Variants in PAQR9 observed in about 807,000 individuals in gnomAD.
PAQR9 encodes membrane progestin receptor epsilon.
PAQR9 carries 12 observed loss-of-function variants against 24.0 expected under a neutral mutation model. The ratio of observed to expected loss-of-function variants is 0.50; its 90% confidence interval spans 0.32 to 0.81. PAQR9 has a LOEUF of 0.81. PAQR9 is among the 30% of genes least tolerant of loss of function. The probability of loss-of-function intolerance (pLI) is 0.03; values close to 1 mark genes in which losing one functional copy is unlikely to be tolerated. For synonymous variants in PAQR9, 266 were observed against 237.6 expected (o/e 1.12, Z -1.10); for missense variants, 418 against 520.8 (o/e 0.80, Z 1.92).
In PAQR9 at chr3:142,963,513, T is replaced by G; in HGVS notation, c.-177A>C. 1 of 1,014,874 alleles carries G rather than the reference T, an allele frequency of 9.9e-7. No homozygotes were observed. Among genetic ancestry groups the G allele is most frequent in the Non-Finnish European group, 1.2e-6 (1 of 850,924 alleles). The allele number at this position is 1,014,874 out of a possible 1,614,324, so 62.9% of individuals were successfully genotyped here. On this transcript the variant is annotated 5_prime_UTR_variant, in exon 1 of 1. Transcript: ENST00000340634. ...CGCTCCTAAAAATTAAATAAATCAA[T>G]AAGAGAATCAATTAATAGGCAGCGC...
At chr3:142,953,915 C>T (rs1210093832), downstream of PAQR9, among the ~76,000 whole-genome samples, 1 of 152,134 alleles carries the variant, frequency 6.6e-6, no homozygotes, top group Non-Finnish European at 1.5e-5. Context: ...TGGCAGTGCC[C>T]TGAAGCTAGT....
In PAQR9 at chr3:142,962,089, C is replaced by T; in HGVS notation, c.*114G>A. The T allele has an allele frequency of 8.0e-7, 1 of 1,252,872 alleles. No individual in the cohort carries two copies. Among genetic ancestry groups the T allele is most frequent in the Non-Finnish European group, 1.1e-6 (1 of 895,628 alleles). 77.6% of individuals were successfully genotyped at this position (1,252,872 alleles called of 1,614,324 possible). ...GAACTTTTTCCCTATGGTTTTGCAGCACCTTCCTTGAGCAAAGAAGAAAAC... is the reference window on the plus strand; with the variant it reads ...GAACTTTTTCCCTATGGTTTTGCAGTACCTTCCTTGAGCAAAGAAGAAAAC... On this transcript the variant is annotated 3_prime_UTR_variant, in exon 1 of 1. Coordinates refer to ENST00000340634, the MANE Select transcript of PAQR9 (RefSeq NM_198504.4).
chr3:142,952,423 C>T (rs996090411), downstream of PAQR9, among the ~76,000 whole-genome samples: 13 of 152,212 alleles, frequency 8.5e-5, no homozygotes, highest in Admixed American at 3.9e-4. Context: ...GATTCTAAAA[C>T]GTGGGACTGG....
chr3:142,962,461 C>A lies in PAQR9; in HGVS notation c.876G>T (p.Val292=). The A allele has an allele frequency of 6.2e-7, 1 of 1,613,548 alleles. No homozygotes were observed. Among genetic ancestry groups the A allele is most frequent in the Non-Finnish European group, 8.5e-7 (1 of 1,179,882 alleles). ...FWLVVAAFFN[V]SKIPERIQPG... The stretch of plus-strand genomic sequence containing the variant: ...GCTGGATGCGCTCGGGGATCTTGCT[C>A]ACGTTGAAGAAGGCGGCCACCACCA... The change falls in exon 1 of 1, where the codon GTG becomes GTT. Residue 292 remains valine (V), a synonymous_variant. Coordinates refer to ENST00000340634, the MANE Select transcript of PAQR9 (RefSeq NM_198504.4).
chr3:142,962,740 G>C lies in PAQR9; in HGVS notation c.597C>G (p.His199Gln). Residue 199 changes from histidine to glutamine, a missense_variant, in exon 1 of 1, where the codon CAC becomes CAG. Transcript: ENST00000340634. The stretch of plus-strand genomic sequence containing the variant: ...CGGCGATAAGGCGCGTGCAGTCCAC[G>C]TGCCAGCCCAGGCGCTGCTGCAAGT... ...TPYLQQRLGW[H>Q]VDCTRLIAAY... 6.2e-7 allele frequency: 1 copy of C among 1,612,554 alleles called. No individual in the cohort carries two copies. The highest frequency in any genetic ancestry group is 8.5e-7 in the Non-Finnish European group (1 of 1,179,684).
At chr3:142,949,706 G>A (rs1934688892), downstream of PAQR9, 1 of 152,166 alleles carries the variant, frequency 6.6e-6, no homozygotes, top group Non-Finnish European at 1.5e-5. Context: ...TTCTGAGAAA[G>A]GGAAGAGAGA....
downstream of PAQR9, chr3:142,949,766 C>T (rs1164514436): frequency 6.6e-6 from 1 of 152,232 alleles, no homozygotes; most frequent in Non-Finnish European, 1.5e-5. Flanking sequence ...TCCTTTCAAG[C>T]TGCAGAGTTT....
Position 142,962,878 on chromosome 3 carries a change from G to A in PAQR9, c.459C>T (p.Phe153=), listed in dbSNP as rs148279229. ...SCLSLRLRAA[F]FYLDYASISY... is the part of the protein sequence containing the mutation. ...TGATGGACGCGTAGTCCAGGTAGAAGAAGGCGGCGCGCAGACGCAGCGACA... is the reference window on the plus strand; with the variant it reads ...TGATGGACGCGTAGTCCAGGTAGAAAAAGGCGGCGCGCAGACGCAGCGACA... The change falls in exon 1 of 1, where the codon TTC becomes TTT. Residue 153 remains phenylalanine, a synonymous_variant. Transcript: ENST00000340634. 5.5e-4 allele frequency: 883 copies of A among 1,613,746 alleles called. 3 individuals are homozygous for A. In the African/African-American group the frequency reaches 0.011, roughly 19 times the overall value.
chr3:142,954,954 G>C lies in PAQR9; in HGVS notation c.*7249C>G, dbSNP rs1441021080. 1.3e-5 allele frequency among the ~76,000 whole-genome samples: 2 copies of C among 152,112 alleles called. No homozygotes were observed. The highest frequency in any genetic ancestry group is 4.8e-5 in the African/African-American group (2 of 41,408). On this transcript the variant is annotated 3_prime_UTR_variant, in exon 1 of 1. Transcript: ENST00000340634. Reference sequence around the variant, plus strand: ...ATACAGTTCTTTAGGGTGTAGGTAAGGACTGGAGTAAGGGTAGCCTAAAAA... The same window carrying C: ...ATACAGTTCTTTAGGGTGTAGGTAACGACTGGAGTAAGGGTAGCCTAAAAA...
At position 142,961,286 on chromosome 3, in the gene PAQR9, G is replaced by A. The variant is rs553673323; in HGVS notation, c.*917C>T. On this transcript the variant is annotated 3_prime_UTR_variant, in exon 1 of 1. Coordinates refer to ENST00000340634, the MANE Select transcript of PAQR9 (RefSeq NM_198504.4). ...TCCAGTGGCAATTTAAATAAGTAGA[G>A]AAGGAAAAAAAAAGATTAAAAACAA... The A allele has an allele frequency of 8.6e-4, 131 of 152,086 alleles. 6 individuals are homozygous for A. Among genetic ancestry groups the A allele is most frequent in the African/African-American group, 6.8e-4 (28 of 41,410 alleles). 9.4% of individuals were successfully genotyped at this position (152,086 alleles called of 1,614,324 possible).
At chr3:142,952,005 G>A (rs565168086), downstream of PAQR9, among the ~76,000 whole-genome samples, 11 of 148,132 alleles carry the variant, frequency 7.4e-5, no homozygotes, top group South Asian at 8.9e-4. Flanking sequence ...AAACAAAGGC[G>A]GTGTGCACTA....
At position 142,957,309 on chromosome 3, in the gene PAQR9, T is replaced by C. The variant is rs780581201; in HGVS notation, c.*4894A>G. On this transcript the variant is annotated 3_prime_UTR_variant, in exon 1 of 1. Transcript: ENST00000340634. ...TTCACATGCTTTTCTAAGGACAAAA[T>C]TTAAAACTCAGGCTGACTGCACAGT... Among the ~76,000 whole-genome samples the C allele has an allele frequency of 3.9e-5, 6 of 152,166 alleles. No homozygotes were observed. Among genetic ancestry groups the C allele is most frequent in the Non-Finnish European group, 5.9e-5 (4 of 68,030 alleles).
downstream of PAQR9, among the ~76,000 whole-genome samples, chr3:142,951,083 A>G (rs1384367740): frequency 6.6e-6 from 1 of 152,028 alleles, no homozygotes; most frequent in African/African-American, 2.4e-5. Flanking sequence ...AGTTATTTTT[A>G]TTTTTTAATT....
In PAQR9 at chr3:142,960,369, A is replaced by G. The variant is rs1411411104; in HGVS notation, c.*1834T>C. 1 of 152,268 alleles carries G rather than the reference A, an allele frequency of 6.6e-6. No homozygotes were observed. The highest frequency in any genetic ancestry group is 1.5e-5 in the Non-Finnish European group (1 of 68,044). The allele number at this position is 152,268 out of a possible 1,614,324, so 9.4% of individuals were successfully genotyped here. A position where few individuals can be genotyped will look rare whatever the true frequency, so the allele number is the denominator to read the frequency against. On this transcript the variant is annotated 3_prime_UTR_variant, in exon 1 of 1. Coordinates refer to ENST00000340634, the MANE Select transcript of PAQR9 (RefSeq NM_198504.4). ...ATATGCATGATCTAAGTTATATCATAAAATCAAGATGCACCTGTGGGACAT... is the reference window on the plus strand; with the variant it reads ...ATATGCATGATCTAAGTTATATCATGAAATCAAGATGCACCTGTGGGACAT...
Position 142,959,629 on chromosome 3 carries a change from T to C in PAQR9, c.*2574A>G, listed in dbSNP as rs1378405006. Among the ~76,000 whole-genome samples, 1 of 152,232 alleles carries C rather than the reference T, an allele frequency of 6.6e-6. No homozygotes were observed. Among genetic ancestry groups the C allele is most frequent in the East Asian group, 1.9e-4 (1 of 5,204 alleles). On this transcript the variant is annotated 3_prime_UTR_variant, in exon 1 of 1. Transcript: ENST00000340634. ...AAAGTGTGTCATCTCACTGTACTCA[T>C]GCAGCATAATCACCTGAAAAATGAT...
At position 142,960,633 on chromosome 3, in the gene PAQR9, T is replaced by C. The variant is rs1268079435; in HGVS notation, c.*1570A>G. ...TCTAACAAAATGACCTACCAGGAAG[T>C]GTGGTAAGTATTTAAACAAGTCATC... On this transcript the variant is annotated 3_prime_UTR_variant, in exon 1 of 1. Transcript: ENST00000340634. 6.6e-6 allele frequency: 1 copy of C among 152,184 alleles called. No homozygotes were observed. Among genetic ancestry groups the C allele is most frequent in the Non-Finnish European group, 1.5e-5 (1 of 68,038 alleles). The allele number at this position is 152,184 out of a possible 1,614,324, so 9.4% of individuals were successfully genotyped here. A position where few individuals can be genotyped will look rare whatever the true frequency, so the allele number is the denominator to read the frequency against.
chr3:142,963,594 C>G lies in PAQR9; in HGVS notation c.-258G>C, dbSNP rs1267826271. ...GCTCAGCGGCTTCCTCGCCAAGCCC[C>G]TGCTACCGGCGCGCGGCCGCCCGCG... On this transcript the variant is annotated 5_prime_UTR_variant, in exon 1 of 1. Coordinates refer to ENST00000340634, the MANE Select transcript of PAQR9 (RefSeq NM_198504.4). The G allele has an allele frequency of 2.3e-6, 2 of 874,414 alleles. No individual in the cohort carries two copies. The highest frequency in any genetic ancestry group is 1.0e-4 in the South Asian group (2 of 19,190). The allele number at this position is 874,414 out of a possible 1,614,324, so 54.2% of individuals were successfully genotyped here. A position where few individuals can be genotyped will look rare whatever the true frequency, so the allele number is the denominator to read the frequency against.
chr3:142,951,069 T>C (rs1165431080), downstream of PAQR9, among the ~76,000 whole-genome samples: 3 of 152,202 alleles, frequency 2.0e-5, no homozygotes, highest in Non-Finnish European at 4.4e-5. Flanking sequence ...ATTTATTTTA[T>C]TTTAGTTATT....
At position 142,958,751 on chromosome 3, in the gene PAQR9, C is replaced by A. The variant is rs141441605; in HGVS notation, c.*3452G>T. Among the ~76,000 whole-genome samples the A allele has an allele frequency of 5.9e-5, 9 of 152,232 alleles. No homozygotes were observed. In the East Asian group the frequency reaches 1.7e-3, roughly 29 times the overall value. ...AGGCCACTCTGTCCAGCTCTGTAGC[C>A]CCATACTTTCTCCCTGGGCTATTTA... On this transcript the variant is annotated 3_prime_UTR_variant, in exon 1 of 1. Transcript: ENST00000340634.
Sources: gnomAD v4.1 joint callset for allele counts (sites outside exome capture counted in the v4.1 genomes callset) on GRCh38, gnomAD v4.1.1 for gene constraint, MANE v1.5 for transcripts, NCBI Gene and HGNC (gene_info 2026-07-23, HGNC 2026-07-21) for gene names.